The following GPC6 variants were observed in gnomAD, a reference collection of about 807,000 sequenced individuals.
The protein encoded by GPC6 is glypican 6.
In GPC6, 14 loss-of-function variants were observed where a neutral mutation model predicts 55.2. That is an observed-to-expected ratio of 0.25 (90% CI 0.17 to 0.40). GPC6 has a LOEUF of 0.40. GPC6 is among the 10% of genes least tolerant of loss of function. GPC6 has a pLI of 1.00. For synonymous variants in GPC6, 278 were observed against 259.6 expected (o/e 1.07, Z -0.68); for missense variants, 641 against 708.5 (o/e 0.90, Z 1.08).
chr13:93,718,591 C>T (rs1256598669), intron 2 of GPC6, among the ~76,000 whole-genome samples: 1 of 152,026 alleles, frequency 6.6e-6, no homozygotes, highest in Non-Finnish European at 1.5e-5. Context: ...TTTTGCTGTA[C>T]AGAAGCTCTT....
Position 93,677,681 on chromosome 13 carries a change from ACTGT to A in GPC6, c.319+132266_319+132269del, listed in dbSNP as rs1326976012. On this transcript the variant is annotated intron_variant, in intron 2 of 8. Transcript: ENST00000377047. ...AAATCACTTTTACTCTCTTTAATAA[ACTGT>A]CTGTCATTAATTATTGGTCACATGA... Among the ~76,000 whole-genome samples the A allele has an allele frequency of 2.6e-5, 4 of 152,094 alleles. 1 individual carries two copies. The highest frequency in any genetic ancestry group is 4.4e-5 in the Non-Finnish European group (3 of 68,018).
chr13:94,048,031 TA>T (rs144530493), intron 4 of GPC6, among the ~76,000 whole-genome samples: 12 of 149,380 alleles, frequency 8.0e-5, no homozygotes, highest in Admixed American at 4.7e-4. Context: ...AGTTGGCAAT[TA>T]AAAAAAAAAT....
At chr13:93,352,358 T>C (rs1010264853) in intron 1 of GPC6, among the ~76,000 whole-genome samples, 1 of 152,372 alleles carries the variant, frequency 6.6e-6, no homozygotes, top group Admixed American at 6.5e-5. Flanking sequence ...TTATTGTTAA[T>C]ATAGCAATGG....
chr13:94,072,647 C>T (rs539184917), intron 4 of GPC6, among the ~76,000 whole-genome samples: 47 of 152,170 alleles, frequency 3.1e-4, no homozygotes, highest in Non-Finnish European at 6.5e-4. Context: ...CCACCACACC[C>T]GGCCGCCCCT....
intron 1 of GPC6, among the ~76,000 whole-genome samples, chr13:93,495,286 G>A (rs975842676): frequency 1.3e-4 from 20 of 150,458 alleles, no homozygotes; most frequent in African/African-American, 4.9e-4. Flanking sequence ...ATCTTCCATT[G>A]TTGATACCCT....
intron 2 of GPC6, among the ~76,000 whole-genome samples, chr13:93,559,439 A>C (rs1875646955): frequency 6.6e-6 from 1 of 152,192 alleles, no homozygotes; most frequent in Non-Finnish European, 1.5e-5. Context: ...CGTGCTGGGC[A>C]CATGATTGAT....
intron 5 of GPC6, among the ~76,000 whole-genome samples, chr13:94,288,738 AAT>A (rs1294842519): frequency 8.3e-5 from 11 of 132,182 alleles, no homozygotes; most frequent in African/African-American, 1.1e-4. Flanking sequence ...ATATATAACA[AAT>A]ATATATATAA....
chr13:93,412,096 C>T (rs1313144370), intron 1 of GPC6, among the ~76,000 whole-genome samples: 1 of 151,882 alleles, frequency 6.6e-6, no homozygotes, highest in Non-Finnish European at 1.5e-5. Context: ...GCATCAACAC[C>T]ACTTTAATAC....
intron 2 of GPC6, among the ~76,000 whole-genome samples, chr13:93,574,708 G>T (rs900881036): frequency 1.9e-4 from 29 of 152,030 alleles, no homozygotes; most frequent in African/African-American, 6.8e-4. Context: ...AATCTTTCAG[G>T]TTGGTTTGCT....
chr13:94,383,743 A>G (rs891000935), intron 7 of GPC6, among the ~76,000 whole-genome samples: 4 of 152,180 alleles, frequency 2.6e-5, no homozygotes, highest in Non-Finnish European at 5.9e-5. Flanking sequence ...TCATGCTGCT[A>G]TAAAGAACTT....
intron 2 of GPC6, among the ~76,000 whole-genome samples, chr13:93,688,718 G>A (rs1422847950): frequency 6.6e-6 from 1 of 152,022 alleles, no homozygotes; most frequent in Non-Finnish European, 1.5e-5. Flanking sequence ...CCTAGAGTGG[G>A]CAAATTCGTA....
chr13:94,121,571 A>G (rs982328476), intron 4 of GPC6, among the ~76,000 whole-genome samples: 10 of 152,146 alleles, frequency 6.6e-5, no homozygotes, highest in Non-Finnish European at 1.5e-4. Context: ...GATGATTATC[A>G]TCTTTGAAAT....
At chr13:93,339,930 A>G (rs1159362935) in intron 1 of GPC6, among the ~76,000 whole-genome samples, 1 of 152,108 alleles carries the variant, frequency 6.6e-6, no homozygotes, top group African/African-American at 2.4e-5. Flanking sequence ...AGAATTAGGC[A>G]CATTACAATC....
chr13:93,891,298 A>T (rs1229896471), intron 3 of GPC6, among the ~76,000 whole-genome samples: 2 of 152,146 alleles, frequency 1.3e-5, no homozygotes, highest in African/African-American at 4.8e-5. Flanking sequence ...ACTGCCAGCA[A>T]AGATTTTTCT....
intron 2 of GPC6, among the ~76,000 whole-genome samples, chr13:93,709,407 ATT>A (rs570908478): frequency 2.0e-5 from 3 of 150,518 alleles, no homozygotes; most frequent in Middle Eastern, 3.4e-3. Flanking sequence ...AACCTTACAT[ATT>A]TTTTTTTGCT....
intron 2 of GPC6, among the ~76,000 whole-genome samples, chr13:93,655,149 C>T (rs1487790847): frequency 6.6e-6 from 1 of 151,870 alleles, no homozygotes; most frequent in East Asian, 1.9e-4. Context: ...GCGCCCGGCC[C>T]ATAACCAGAT....
chr13:93,771,086 T>C (rs557566892), intron 2 of GPC6, among the ~76,000 whole-genome samples: 1 of 152,278 alleles, frequency 6.6e-6, no homozygotes, highest in African/African-American at 2.4e-5. Context: ...GCCAAACATA[T>C]TGATAACACA....
At chr13:94,031,398 T>G (rs970688264) in intron 4 of GPC6, among the ~76,000 whole-genome samples, 1 of 152,180 alleles carries the variant, frequency 6.6e-6, no homozygotes, top group Non-Finnish European at 1.5e-5. Flanking sequence ...GTAAGTAGTG[T>G]ATGGGGTTCC....
intron 4 of GPC6, among the ~76,000 whole-genome samples, chr13:94,094,749 G>T (rs1885604387): frequency 2.6e-5 from 4 of 152,196 alleles, no homozygotes; most frequent in Middle Eastern, 6.8e-3. Flanking sequence ...CACTCATACA[G>T]ATTACTTTTT....
Sources: allele counts gnomAD v4.1 joint callset (sites outside exome capture counted in the v4.1 genomes callset), GRCh38; gene constraint gnomAD v4.1.1; transcripts MANE v1.5; gene names NCBI Gene and HGNC (gene_info 2026-07-23, HGNC 2026-07-21).